Variants in DPYD observed in about 807,000 individuals in gnomAD.
The protein encoded by DPYD is dihydropyrimidine dehydrogenase.
Under a neutral mutation model 116.2 loss-of-function variants are expected in DPYD, and 109 were observed. That is an observed-to-expected ratio of 0.94 (90% confidence interval 0.80 to 1.10). The LOEUF is 1.10. DPYD is among the 50% of genes least tolerant of loss of function. The pLI is 0.00. For synonymous variants in DPYD, 440 were observed against 432.0 expected (o/e 1.02, Z -0.23); for missense variants, 1,302 against 1,254.5 (o/e 1.04, Z -0.57).
intron 2 of DPYD, among the ~76,000 whole-genome samples, chr1:97,849,956 T>G (rs758122984): frequency 1.3e-5 from 2 of 152,154 alleles, no homozygotes; most frequent in Non-Finnish European, 2.9e-5. Flanking sequence ...CACTAAGAAA[T>G]TTCCTGCCTG....
intron 12 of DPYD, among the ~76,000 whole-genome samples, chr1:97,525,331 T>C (rs999744088): frequency 6.6e-6 from 1 of 152,092 alleles, no homozygotes; most frequent in Non-Finnish European, 1.5e-5. Flanking sequence ...TGTTATTATA[T>C]ACAAATTATA....
At position 97,331,227 on chromosome 1, in the gene DPYD, G is replaced by GT. The variant is rs139953758; in HGVS notation, c.2059-24931dup. ...GGTGGCTCATGCCTGTAATTCCAGT[G>GT]TTTTAGGAGGTCAAGACAGGAGGAT... On this transcript the variant is annotated intron_variant, in intron 16 of 22. Transcript: ENST00000370192. Among the ~76,000 whole-genome samples the GT allele has an allele frequency of 1.4e-3, 206 of 152,192 alleles. 3 individuals are homozygous for GT. The East Asian group carries it at 0.037, about 28-fold the overall frequency.
At chr1:97,861,221 A>G (rs1473495303) in intron 2 of DPYD, among the ~76,000 whole-genome samples, 3 of 152,034 alleles carry the variant, frequency 2.0e-5, no homozygotes, top group African/African-American at 4.8e-5. Flanking sequence ...ATCTTAAAAG[A>G]ATAAAACATA....
chr1:97,478,831 G>A (rs1215131518), intron 13 of DPYD, among the ~76,000 whole-genome samples: 1 of 152,174 alleles, frequency 6.6e-6, no homozygotes, highest in Non-Finnish European at 1.5e-5. Context: ...TCTCTTAGCT[G>A]GATCGGGATA....
intron 3 of DPYD, among the ~76,000 whole-genome samples, chr1:97,801,795 G>C (rs1667859732): frequency 6.6e-6 from 1 of 151,592 alleles, no homozygotes; most frequent in African/African-American, 2.4e-5. Context: ...CTCCCTTATT[G>C]AAATTTCAAC....
intron 16 of DPYD, among the ~76,000 whole-genome samples, chr1:97,366,248 T>C (rs931609798): frequency 6.6e-6 from 1 of 152,138 alleles, no homozygotes; most frequent in African/African-American, 2.4e-5. Context: ...AAATAAAAAG[T>C]TGGGCAACAT....
Position 97,716,390 on chromosome 1 carries a change from T to G in DPYD, c.483+5120A>C, listed in dbSNP as rs184170048. Reference sequence around the variant, plus strand: ...TATAAAAATATAAAACTGTAGCAATTAATACATTTTGTGTCAGTGAATGGA... The same window carrying G: ...TATAAAAATATAAAACTGTAGCAATGAATACATTTTGTGTCAGTGAATGGA... On this transcript the variant is annotated intron_variant, in intron 5 of 22. Coordinates refer to ENST00000370192, the MANE Select transcript of DPYD (RefSeq NM_000110.4). Among the ~76,000 whole-genome samples the G allele has an allele frequency of 2.4e-4, 36 of 152,034 alleles. 1 individual carries two copies. In the East Asian group the frequency reaches 6.6e-3, roughly 28 times the overall value.
At chr1:97,269,858 A>G (rs2100886902) in intron 18 of DPYD, among the ~76,000 whole-genome samples, 1 of 152,220 alleles carries the variant, frequency 6.6e-6, no homozygotes, top group Non-Finnish European at 1.5e-5. Flanking sequence ...CAACATATGA[A>G]CTTTGGAGGG....
At chr1:97,449,486 C>G (rs1318711069) in intron 14 of DPYD, among the ~76,000 whole-genome samples, 1 of 151,776 alleles carries the variant, frequency 6.6e-6, no homozygotes, top group Non-Finnish European at 1.5e-5. Context: ...AAGGATCACC[C>G]TAATCAGACT....
At chr1:97,235,273 C>T (rs1661837854) in intron 18 of DPYD, among the ~76,000 whole-genome samples, 1 of 152,170 alleles carries the variant, frequency 6.6e-6, no homozygotes, top group South Asian at 2.1e-4. Context: ...ATTCTCTGTG[C>T]ACACATATTA....
At chr1:97,506,769 A>G (rs1034484105) in intron 13 of DPYD, among the ~76,000 whole-genome samples, 1 of 152,044 alleles carries the variant, frequency 6.6e-6, no homozygotes, top group African/African-American at 2.4e-5. Context: ...AGTCTGCTTC[A>G]TGGTTAAAAA....
rs141532510 is a variant in DPYD, at chr1:97,867,345, G to A, written c.150+15919C>T. 1.6e-3 allele frequency among the ~76,000 whole-genome samples: 241 copies of A among 151,904 alleles called. 1 individual carries two copies. Among genetic ancestry groups the A allele is most frequent in the African/African-American group, 5.6e-3 (234 of 41,470 alleles). ...TCTTCTGTCTTATGTACTCAAAAAA[G>A]GAAGAACCATATGAATAATTGTGGG... On this transcript the variant is annotated intron_variant, in intron 2 of 22. Transcript: ENST00000370192.
Position 97,586,465 on chromosome 1 carries a change from CAT to C in DPYD, c.1128+6751_1128+6752del, listed in dbSNP as rs57301424. Reference sequence around the variant, plus strand: ...GCTTATCTGTGAAAATACATACATACATATATATATATATATATATATATATA... The same window carrying C: ...GCTTATCTGTGAAAATACATACATACATATATATATATATATATATATATA... On this transcript the variant is annotated intron_variant, in intron 10 of 22. Transcript: ENST00000370192. 7.7e-3 allele frequency among the ~76,000 whole-genome samples: 262 copies of C among 34,220 alleles called. 3 individuals carry two copies. The highest frequency in any genetic ancestry group is 0.013 in the South Asian group (9 of 680). The allele number at this position is 34,220 out of a possible 152,430, so 22.4% of individuals were successfully genotyped here.
chr1:97,246,121 G>A (rs1662701445), intron 18 of DPYD, among the ~76,000 whole-genome samples: 3 of 152,090 alleles, frequency 2.0e-5, no homozygotes, highest in African/African-American at 7.2e-5. Context: ...AACTGACCAG[G>A]CACTTTGAAA....
At position 97,082,390 on chromosome 1, in the gene DPYD, A is replaced by G. The variant is rs559276319; in HGVS notation, c.2847T>C (p.Asp949=). ...SNVEQVVAMI[D]EEMCINCGKC... ...TACCACAGTTGATACACATTTCTTC[A>G]TCAATCATAGCCACAACTTGCTCTA... Residue 949 remains aspartate, a synonymous_variant, in exon 22 of 23, where the codon GAT becomes GAC. Coordinates refer to ENST00000370192, the MANE Select transcript of DPYD (RefSeq NM_000110.4). The G allele has an allele frequency of 5.0e-6, 8 of 1,613,680 alleles. No homozygotes were observed. The East Asian group carries it at 1.8e-4, about 36-fold the overall frequency.
intron 3 of DPYD, among the ~76,000 whole-genome samples, chr1:97,757,936 T>C (rs1665339774): frequency 6.6e-6 from 1 of 152,168 alleles, no homozygotes; most frequent in South Asian, 2.1e-4. Context: ...AGCTTGGCGC[T>C]AACCATTTCT....
chr1:97,896,182 T>C (rs1171707003), intron 1 of DPYD, among the ~76,000 whole-genome samples: 1 of 151,784 alleles, frequency 6.6e-6, no homozygotes, highest in African/African-American at 2.4e-5. Flanking sequence ...TTCCAAACAC[T>C]CATTGAACTA....
At chr1:97,675,295 T>C (rs1417614217) in intron 8 of DPYD, among the ~76,000 whole-genome samples, 2 of 152,192 alleles carry the variant, frequency 1.3e-5, no homozygotes, top group African/African-American at 2.4e-5. Context: ...TAACATGCTG[T>C]CCAGGTGCTC....
intron 18 of DPYD, among the ~76,000 whole-genome samples, chr1:97,268,097 C>G (rs1664348672): frequency 6.6e-6 from 1 of 152,134 alleles, no homozygotes; most frequent in Non-Finnish European, 1.5e-5. Flanking sequence ...TAAGTCCAAA[C>G]CACAAGAAGG....
Sources: allele counts gnomAD v4.1 joint callset (sites outside exome capture counted in the v4.1 genomes callset), GRCh38; gene constraint gnomAD v4.1.1; transcripts MANE v1.5; gene names NCBI Gene and HGNC (gene_info 2026-07-23, HGNC 2026-07-21).